MMP2: variants seen among roughly 807,000 people sequenced by gnomAD.
MMP2 encodes matrix metallopeptidase 2.
Under a neutral mutation model 74.8 loss-of-function variants are expected in MMP2, and 39 were observed. That is an observed-to-expected ratio of 0.52 (90% CI 0.40 to 0.68). The LOEUF is 0.68. MMP2 is among the 30% of genes least tolerant of loss of function. The probability of loss-of-function intolerance (pLI) is 0.00; values close to 1 mark genes in which losing one functional copy is unlikely to be tolerated. For synonymous variants in MMP2, 367 were observed against 339.8 expected, an observed-to-expected ratio of 1.08 and a Z score of -0.88; for missense variants, 803 against 878.3, an observed-to-expected ratio of 0.91 and a Z score of 1.08.
At chr16:55,500,819 T>C (rs1260665071) in intron 11 of MMP2, among the ~76,000 whole-genome samples, 1 of 152,178 alleles carries the variant, frequency 6.6e-6, no homozygotes, top group Non-Finnish European at 1.5e-5. Flanking sequence ...CCCAGAGGCA[T>C]CTTTGCTGGA....
chr16:55,490,280 A>C (rs1483320751), intron 7 of MMP2, among the ~76,000 whole-genome samples: 3 of 152,188 alleles, frequency 2.0e-5, no homozygotes, highest in Non-Finnish European at 4.4e-5. Flanking sequence ...GAAAGGAAAA[A>C]AGGAAGAGCC....
At chr16:55,498,715 T>C (rs1962593365) in intron 11 of MMP2, among the ~76,000 whole-genome samples, 1 of 152,238 alleles carries the variant, frequency 6.6e-6, no homozygotes, top group African/African-American at 2.4e-5. Flanking sequence ...GTCTGGACCC[T>C]CACATTTTGA....
chr16:55,481,876 A>G (rs964732343), intron 1 of MMP2: 13 of 762,216 alleles, frequency 1.7e-5, no homozygotes, highest in Non-Finnish European at 3.2e-5. Context: ...TACCTAGCAC[A>G]TGGTAAGTAC....
At chr16:55,491,688 C>T in intron 7 of MMP2, 113 bp from the exon 8 acceptor site, 1 of 1,238,302 alleles carries the variant, frequency 8.1e-7, no homozygotes, top group Non-Finnish European at 1.2e-6. Flanking sequence ...TTCCAGGGTT[C>T]TCAGCCTTAC....
Position 55,493,259 on chromosome 16 carries a change from C to G in MMP2, c.1438C>G (p.Gln480Glu), listed in dbSNP as rs1424516432. The G allele has an allele frequency of 6.2e-7, 1 of 1,614,180 alleles. No individual in the cohort carries two copies. The highest frequency in any genetic ancestry group is 1.7e-5 in the Admixed American group (1 of 60,026). The change falls in exon 9 of 13, where the codon CAG (glutamine) becomes GAG (glutamate). Residue 480 changes from glutamine (Q) to glutamate (E), a missense_variant. Gln to Glu is a conservative substitution (Grantham distance 29). Transcript: ENST00000219070. The stretch of plus-strand genomic sequence containing the variant: ...GGACATTGTATTTGATGGCATCGCT[C>G]AGATCCGTGGTGAGATCTTCTTCTT... Reference protein sequence around the residue: ...KQDIVFDGIAQIRGEIFFFKD... With the variant: ...KQDIVFDGIAEIRGEIFFFKD...
Position 55,482,935 on chromosome 16 carries a change from C to T in MMP2, c.180C>T (p.Cys60=). The T allele has an allele frequency of 6.2e-7, 1 of 1,614,164 alleles. No homozygotes were observed. The highest frequency in any genetic ancestry group is 8.5e-7 in the Non-Finnish European group (1 of 1,180,018). The stretch of plus-strand genomic sequence containing the variant: ...AATACCTGAACACCTTCTATGGCTG[C>T]CCCAAGGAGAGCTGCAACCTGTTTG... ...AVQYLNTFYG[C]PKESCNLFVL... The change falls in exon 2 of 13, where the codon TGC becomes TGT. Residue 60 remains cysteine, a synonymous_variant. Transcript: ENST00000219070.
At chr16:55,501,361 T>G (rs1342524171) in intron 11 of MMP2, among the ~76,000 whole-genome samples, 2 of 152,240 alleles carry the variant, frequency 1.3e-5, no homozygotes, top group Non-Finnish European at 2.9e-5. Context: ...TGAGACTCAG[T>G]TTCCTCATCT....
chr16:55,491,990 TGA>T, intron 8 of MMP2, 34 bp downstream of exon 8: 6 of 1,305,542 alleles, frequency 4.6e-6, no homozygotes, highest in Non-Finnish European at 6.2e-6. Context: ...GGGTGGAGGG[TGA>T]GGAGGGGGGA....
rs1555493272 is a variant in MMP2, at chr16:55,500,538, C to CAG, written c.1769+2091_1769+2092dup. ...ACACACACACACACACACACACACA[C>CAG]AGGCATGGAGGTTGTGGCAGTGCCT... On this transcript the variant is annotated intron_variant, in intron 11 of 12. Transcript: ENST00000219070. Among the ~76,000 whole-genome samples, 1,074 of 147,722 alleles carry CAG rather than the reference C, an allele frequency of 7.3e-3. 18 individuals are homozygous for CAG. Among genetic ancestry groups the CAG allele is most frequent in the African/African-American group, 0.026 (1,035 of 40,572 alleles).
In MMP2 at chr16:55,491,926, G is replaced by T; in HGVS notation, c.1306G>T (p.Asp436Tyr). The T allele has an allele frequency of 1.3e-6, 2 of 1,535,544 alleles. No homozygotes were observed. Among genetic ancestry groups the T allele is most frequent in the Non-Finnish European group, 8.8e-7 (1 of 1,132,842 alleles). The part of the protein sequence containing the change: ...TYTKNFRLSQ[D>Y]DIKGIQELYG... ...CACCAAGAACTTCCGTCTGTCCCAG[G>T]ATGACATCAAGGGCATTCAGGAGCT... is the stretch of plus-strand genomic sequence containing the variant. Residue 436 changes from aspartate (D) to tyrosine (Y), a missense_variant, in exon 8 of 13, where the codon GAT (aspartate) becomes TAT (tyrosine). Transcript: ENST00000219070.
chr16:55,494,529 G>T (rs1252558621), intron 9 of MMP2, among the ~76,000 whole-genome samples: 2 of 152,212 alleles, frequency 1.3e-5, no homozygotes, highest in African/African-American at 4.8e-5. Context: ...GGGGCTGCTA[G>T]ATCAGTGTTC....
chr16:55,491,820 G>A lies in MMP2; in HGVS notation c.1200G>A (p.Val400=). 1 of 1,614,182 alleles carries A rather than the reference G, an allele frequency of 6.2e-7. No homozygotes were observed. Among genetic ancestry groups the A allele is most frequent in the Non-Finnish European group, 8.5e-7 (1 of 1,180,036 alleles). ...CCTCAGGGTACAGCCTGTTCCTCGTGGCAGCCCACGAGTTTGGCCACGCCA... is the reference window on the plus strand; with the variant it reads ...CCTCAGGGTACAGCCTGTTCCTCGTAGCAGCCCACGAGTTTGGCCACGCCA... ...CPDQGYSLFL[V]AAHEFGHAMG... The change falls in exon 8 of 13, where the codon GTG becomes GTA. Residue 400 remains valine (V), a synonymous_variant. Coordinates refer to ENST00000219070, the MANE Select transcript of MMP2 (RefSeq NM_004530.6).
At chr16:55,498,629 C>T (rs563366316) in intron 11 of MMP2, among the ~76,000 whole-genome samples, 181 bp downstream of exon 11, 1 of 152,202 alleles carries the variant, frequency 6.6e-6, no homozygotes, top group African/African-American at 2.4e-5. Context: ...GTGAACCATT[C>T]TTGTACACAT....
At chr16:55,488,849 C>G (rs1463419084) in intron 6 of MMP2, 133 bp downstream of exon 6, 1 of 930,430 alleles carries the variant, frequency 1.1e-6, no homozygotes, top group African/African-American at 1.6e-5. Context: ...GAATGACATC[C>G]ACACCAAGAT....
chr16:55,492,800 G>T (rs12598301), intron 8 of MMP2, among the ~76,000 whole-genome samples: 13,614 of 152,114 alleles, frequency 0.089, 820 homozygotes, highest in East Asian at 0.16. Context: ...CCCCCTGACC[G>T]CCCTGACTCT....
chr16:55,491,990 TGAGGA>T, intron 8 of MMP2, 34 bp downstream of exon 8: 26 of 1,305,500 alleles, frequency 2.0e-5, no homozygotes, highest in East Asian at 5.9e-5. Context: ...GGGTGGAGGG[TGAGGA>T]GGGGGGAGGT....
At chr16:55,490,419 G>A (rs1448154232) in intron 7 of MMP2, among the ~76,000 whole-genome samples, 1 of 152,198 alleles carries the variant, frequency 6.6e-6, no homozygotes, top group African/African-American at 2.4e-5. Context: ...TGGGTGCTGA[G>A]GATGGAGCTG....
At chr16:55,502,203 CT>C (rs1470631687) in intron 11 of MMP2, among the ~76,000 whole-genome samples, 1 of 152,150 alleles carries the variant, frequency 6.6e-6, no homozygotes, top group Non-Finnish European at 1.5e-5. Context: ...GGACTGTCAT[CT>C]CCCTGTGGCA....
chr16:55,497,208 A>C, intron 10 of MMP2, 146 bp downstream of exon 10: 1 of 1,137,260 alleles, frequency 8.8e-7, no homozygotes, highest in Non-Finnish European at 1.3e-6. Flanking sequence ...TCATTCTTTC[A>C]ACATTATTTC....
Sources: allele counts gnomAD v4.1 joint callset (sites outside exome capture counted in the v4.1 genomes callset), GRCh38; gene constraint gnomAD v4.1.1; transcripts MANE v1.5; gene names NCBI Gene and HGNC (gene_info 2026-07-23, HGNC 2026-07-21).